Variants in PELI2 observed in about 807,000 individuals in gnomAD.
The protein encoded by PELI2 is pellino E3 ubiquitin protein ligase family member 2.
In PELI2, 23 loss-of-function variants were observed where a neutral mutation model predicts 42.3. The observed-to-expected ratio is 0.54, with a 90% CI of 0.39 to 0.77. The LOEUF (loss-of-function observed/expected upper bound fraction) is 0.77, where lower values mean the gene tolerates loss of function less well. Among genes scored for constraint, PELI2 ranks in the 30% least tolerant of loss-of-function variants. The probability of loss-of-function intolerance (pLI) is 0.00; values close to 1 mark genes in which losing one functional copy is unlikely to be tolerated. For synonymous variants in PELI2, 245 were observed against 212.2 expected, an observed-to-expected ratio of 1.15 and a Z score of -1.34; for missense variants, 463 against 553.2, an observed-to-expected ratio of 0.84 and a Z score of 1.64.
At chr14:56,181,729 A>G (rs1483733799) in intron 2 of PELI2, among the ~76,000 whole-genome samples, 1 of 152,130 alleles carries the variant, frequency 6.6e-6, no homozygotes, top group Non-Finnish European at 1.5e-5. Context: ...GCTAAGTCAA[A>G]TGAGGATGGC....
At position 56,300,153 on chromosome 14, in the gene PELI2, C is replaced by T. The variant is rs980764124; in HGVS notation, c.*2987C>T. The T allele has an allele frequency of 1.3e-5, 2 of 152,520 alleles. No individual in the cohort carries two copies. Among genetic ancestry groups the T allele is most frequent in the African/African-American group, 4.8e-5 (2 of 41,408 alleles). 9.4% of individuals were successfully genotyped at this position (152,520 alleles called of 1,614,324 possible). ...TAAATAGAGAACATATTTATCATTCCTCGATAGTTAATTATAGACTTTGGT... is the reference window on the plus strand; with the variant it reads ...TAAATAGAGAACATATTTATCATTCTTCGATAGTTAATTATAGACTTTGGT... On this transcript the variant is annotated 3_prime_UTR_variant, in exon 6 of 6. Transcript: ENST00000267460.
chr14:56,213,274 G>A (rs1161971251), intron 2 of PELI2, among the ~76,000 whole-genome samples: 1 of 152,212 alleles, frequency 6.6e-6, no homozygotes, highest in East Asian at 1.9e-4. Flanking sequence ...TGAAGTTACA[G>A]TTTTTATCAT....
At chr14:56,134,873 A>G (rs547383297) in intron 1 of PELI2, among the ~76,000 whole-genome samples, 6 of 152,038 alleles carry the variant, frequency 3.9e-5, no homozygotes, top group South Asian at 2.1e-4. Context: ...CCCCAATCCA[A>G]TTTCCCAACC....
At chr14:56,279,376 A>G (rs1889399966) in intron 2 of PELI2, among the ~76,000 whole-genome samples, 1 of 152,202 alleles carries the variant, frequency 6.6e-6, no homozygotes, top group Non-Finnish European at 1.5e-5. Flanking sequence ...GGTAATATGG[A>G]GAAAGTGTGT....
intron 1 of PELI2, among the ~76,000 whole-genome samples, chr14:56,139,381 G>T (rs1883816032): frequency 6.6e-6 from 1 of 152,064 alleles, no homozygotes; most frequent in African/African-American, 2.4e-5. Context: ...AAAATTGATT[G>T]ATTTTTATAT....
chr14:56,152,306 G>T lies in PELI2; in HGVS notation c.78-26029G>T, dbSNP rs575292564. Among the ~76,000 whole-genome samples, 12 of 152,300 alleles carry T rather than the reference G, an allele frequency of 7.9e-5. 1 individual carries two copies. In the South Asian group the frequency reaches 2.5e-3, roughly 32 times the overall value. On this transcript the variant is annotated intron_variant, in intron 1 of 5. Coordinates refer to ENST00000267460, the MANE Select transcript of PELI2 (RefSeq NM_021255.3). Reference sequence around the variant, plus strand: ...ATCCTTTCTTATTCATAAAATGGGGGTAATAGGAGTACCTACTTCACGGGG... The same window carrying T: ...ATCCTTTCTTATTCATAAAATGGGGTTAATAGGAGTACCTACTTCACGGGG...
chr14:56,160,257 T>C (rs970986380), intron 1 of PELI2, among the ~76,000 whole-genome samples: 2 of 152,154 alleles, frequency 1.3e-5, no homozygotes, highest in Non-Finnish European at 2.9e-5. Flanking sequence ...CACCACACTG[T>C]CCCAGAACCA....
intron 1 of PELI2, chr14:56,145,075 G>C (rs1884064449): frequency 4.5e-6 from 2 of 446,808 alleles, no homozygotes; most frequent in South Asian, 1.9e-4. Context: ...TCTTTATAAA[G>C]AAAAGAGGCT....
At chr14:56,188,229 C>A (rs1885838468) in intron 2 of PELI2, among the ~76,000 whole-genome samples, 1 of 152,202 alleles carries the variant, frequency 6.6e-6, no homozygotes, top group African/African-American at 2.4e-5. Flanking sequence ...TTTCTGTACT[C>A]CCATTGCCAA....
At chr14:56,243,286 G>A (rs1888040756) in intron 2 of PELI2, among the ~76,000 whole-genome samples, 2 of 152,212 alleles carry the variant, frequency 1.3e-5, no homozygotes, top group Admixed American at 6.5e-5. Flanking sequence ...TCTTTTGAGA[G>A]CCTCCAGCTG....
chr14:56,124,963 T>TA (rs1883197192), intron 1 of PELI2, among the ~76,000 whole-genome samples: 1 of 152,162 alleles, frequency 6.6e-6, no homozygotes, highest in African/African-American at 2.4e-5. Context: ...GGTTTGGACT[T>TA]TACCCTAAGA....
intron 2 of PELI2, among the ~76,000 whole-genome samples, chr14:56,183,382 A>C (rs1221711683): frequency 3.3e-5 from 5 of 152,224 alleles, no homozygotes; most frequent in African/African-American, 7.2e-5. Flanking sequence ...ATTTTCCAAA[A>C]AATTGAAATA....
Position 56,276,710 on chromosome 14 carries a change from G to A in PELI2, c.208-2966G>A, listed in dbSNP as rs112637643. Reference sequence around the variant, plus strand: ...TTTCATACCTTCCCCAAATTCCAAGGCCTCCAAATCACAGCCCTTGGCTAG... The same window carrying A: ...TTTCATACCTTCCCCAAATTCCAAGACCTCCAAATCACAGCCCTTGGCTAG... On this transcript the variant is annotated intron_variant, in intron 2 of 5. Transcript: ENST00000267460. Among the ~76,000 whole-genome samples the A allele has an allele frequency of 4.4e-3, 665 of 152,200 alleles. 4 individuals carry two copies. Among genetic ancestry groups the A allele is most frequent in the Non-Finnish European group, 8.4e-3 (574 of 68,018 alleles).
At chr14:56,193,819 T>C (rs1369417127) in intron 2 of PELI2, among the ~76,000 whole-genome samples, 1 of 152,210 alleles carries the variant, frequency 6.6e-6, no homozygotes, top group African/African-American at 2.4e-5. Flanking sequence ...TCAGCCTCCT[T>C]TTTTGCCAAA....
intron 2 of PELI2, among the ~76,000 whole-genome samples, chr14:56,214,088 A>G (rs1184916064): frequency 6.6e-6 from 1 of 152,148 alleles, no homozygotes; most frequent in East Asian, 1.9e-4. Context: ...CCAGACCTCA[A>G]TGGATCCGCC....
At chr14:56,172,266 G>C (rs1360742129) in intron 1 of PELI2, among the ~76,000 whole-genome samples, 1 of 152,198 alleles carries the variant, frequency 6.6e-6, no homozygotes, top group Non-Finnish European at 1.5e-5. Context: ...CATGTCTGCT[G>C]CCTTAGCGGG....
At chr14:56,143,991 C>G (rs1036490161) in intron 1 of PELI2, among the ~76,000 whole-genome samples, 1 of 152,100 alleles carries the variant, frequency 6.6e-6, no homozygotes, top group African/African-American at 2.4e-5. Flanking sequence ...CTAGGAAAAA[C>G]ATGCATGTAT....
intron 1 of PELI2, among the ~76,000 whole-genome samples, chr14:56,173,010 C>T (rs75177530): frequency 6.6e-6 from 1 of 152,084 alleles, no homozygotes; most frequent in African/African-American, 2.4e-5. Context: ...CCTCCTTATT[C>T]TGCACCTTTT....
In PELI2 at chr14:56,174,170, C is replaced by T. The variant is rs538253920; in HGVS notation, c.78-4165C>T. 2.2e-3 allele frequency among the ~76,000 whole-genome samples: 339 copies of T among 152,102 alleles called. 2 individuals carry two copies. In the Middle Eastern group the frequency reaches 0.034, roughly 15 times the overall value. On this transcript the variant is annotated intron_variant, in intron 1 of 5. Transcript: ENST00000267460. The stretch of plus-strand genomic sequence containing the variant: ...CACCCGCCTCGGCCTCCCAAAGTGC[C>T]GGGATTACAGGCATGAGCCATCATG...
Sources: allele counts gnomAD v4.1 joint callset (sites outside exome capture counted in the v4.1 genomes callset), GRCh38; gene constraint gnomAD v4.1.1; transcripts MANE v1.5; gene names NCBI Gene and HGNC (gene_info 2026-07-23, HGNC 2026-07-21).